Variants in SLCO1C1 observed in about 807,000 individuals in gnomAD.
SLCO1C1 encodes the protein OAT-RP-5.
A neutral mutation model predicts 76.4 loss-of-function variants in SLCO1C1; 70 were observed. That is an observed-to-expected ratio of 0.92 (90% CI 0.76 to 1.12). The LOEUF is 1.12. Ranked by LOEUF, SLCO1C1 falls within the 50% of genes most tolerant of loss-of-function variation. The pLI is 0.00. For synonymous variants in SLCO1C1, 306 were observed against 286.1 expected (o/e 1.07, Z -0.70); for missense variants, 912 against 823.8 (o/e 1.11, Z -1.31).
intron 9 of SLCO1C1, among the ~76,000 whole-genome samples, chr12:20,730,311 G>A (rs1948212061): frequency 6.6e-6 from 1 of 152,072 alleles, no homozygotes; most frequent in Admixed American, 6.6e-5. Context: ...GCATGTATGT[G>A]CGTGTGTAAA....
intron 2 of SLCO1C1, among the ~76,000 whole-genome samples, 189 bp from the exon 3 acceptor site, chr12:20,701,129 T>C (rs1462003303): frequency 2.0e-5 from 3 of 152,124 alleles, no homozygotes; most frequent in Non-Finnish European, 4.4e-5. Flanking sequence ...ATTTGAACTG[T>C]TGAAAACTTA....
At chr12:20,731,242 TCTATTC>T (rs768871632) in intron 9 of SLCO1C1, among the ~76,000 whole-genome samples, 3 of 152,242 alleles carry the variant, frequency 2.0e-5, no homozygotes, top group Non-Finnish European at 4.4e-5. Context: ...TCTGCTTCTT[TCTATTC>T]CTATAATTTC....
intron 14 of SLCO1C1, among the ~76,000 whole-genome samples, chr12:20,751,574 G>A (rs960936450): frequency 4.6e-5 from 7 of 152,062 alleles, no homozygotes; most frequent in African/African-American, 9.7e-5. Context: ...GATGCTATGC[G>A]TGAAATTTAT....
intron 13 of SLCO1C1, among the ~76,000 whole-genome samples, chr12:20,747,225 G>T (rs1330948840): frequency 2.0e-5 from 3 of 152,228 alleles, no homozygotes; most frequent in African/African-American, 7.2e-5. Context: ...AGGAGTTCGA[G>T]ACCAGCCTGG....
chr12:20,723,650 A>G (rs567744822), intron 9 of SLCO1C1, among the ~76,000 whole-genome samples: 2 of 152,286 alleles, frequency 1.3e-5, no homozygotes, highest in East Asian at 3.9e-4. Flanking sequence ...GCGGTCAAAA[A>G]ACTTTTCTGA....
intron 12 of SLCO1C1, among the ~76,000 whole-genome samples, chr12:20,741,633 AC>A (rs1948819821): frequency 6.6e-6 from 1 of 152,080 alleles, no homozygotes; most frequent in East Asian, 1.9e-4. Flanking sequence ...TCCTATTAAA[AC>A]ACAATTTGTG....
At chr12:20,749,308 T>G (rs912243891) in intron 13 of SLCO1C1, among the ~76,000 whole-genome samples, 2 of 152,122 alleles carry the variant, frequency 1.3e-5, no homozygotes, top group African/African-American at 4.8e-5. Context: ...ACCAGACAGT[T>G]GATGGAAACG....
At chr12:20,699,895 C>G (rs1442912028) in intron 2 of SLCO1C1, 190 bp downstream of exon 2, 1 of 468,352 alleles carries the variant, frequency 2.1e-6, no homozygotes, top group Non-Finnish European at 3.5e-6. Context: ...GGTTAAATTA[C>G]TTTCCTGGGC....
intron 10 of SLCO1C1, among the ~76,000 whole-genome samples, chr12:20,735,570 A>G (rs1166359198): frequency 6.6e-6 from 1 of 152,190 alleles, no homozygotes; most frequent in African/African-American, 2.4e-5. Context: ...TTAAAATTTT[A>G]TGGAAGAGAA....
intron 1 of SLCO1C1, chr12:20,697,077 T>C (rs1326715049): frequency 1.3e-5 from 2 of 152,032 alleles, no homozygotes; most frequent in Non-Finnish European, 2.9e-5. Context: ...ATCTCAAGTT[T>C]TTCAGTAGTG....
intron 4 of SLCO1C1, among the ~76,000 whole-genome samples, chr12:20,711,184 C>T (rs961639809): frequency 2.6e-5 from 4 of 152,176 alleles, no homozygotes; most frequent in African/African-American, 9.7e-5. Flanking sequence ...GTAGGACAAG[C>T]TTTGTGTAGA....
intron 13 of SLCO1C1, among the ~76,000 whole-genome samples, chr12:20,749,917 T>C (rs1042021993): frequency 6.6e-6 from 1 of 152,184 alleles, no homozygotes; most frequent in Non-Finnish European, 1.5e-5. Context: ...AGAATGTGAA[T>C]AAGAGAAAAT....
At chr12:20,699,094 C>T (rs1386507135) in intron 1 of SLCO1C1, among the ~76,000 whole-genome samples, 3 of 152,018 alleles carry the variant, frequency 2.0e-5, no homozygotes, top group Admixed American at 6.6e-5. Flanking sequence ...TAAGGTGGTA[C>T]AGGGACCTAT....
At position 20,723,171 on chromosome 12, in the gene SLCO1C1, C is replaced by G. The variant is rs1318314330; in HGVS notation, c.1103C>G (p.Ser368Cys). The G allele has an allele frequency of 6.2e-7, 1 of 1,614,136 alleles. No individual in the cohort carries two copies. Among genetic ancestry groups the G allele is most frequent in the Non-Finnish European group, 8.5e-7 (1 of 1,180,006 alleles). The change falls in exon 9 of 15, where the codon TCT (serine) becomes TGT (cysteine). Residue 368 changes from serine (S) to cysteine (C), a missense_variant. Transcript: ENST00000266509. ...YLCTSTVQFNSLFGMVTYKPK... is the reference protein window; with the variant it reads ...YLCTSTVQFNCLFGMVTYKPK... The stretch of plus-strand genomic sequence containing the variant: ...TGTACAAGCACTGTTCAGTTCAATT[C>G]TCTGTTCGGCATGGTGACGTACAAA...
chr12:20,716,330 C>G (rs1947358257), intron 6 of SLCO1C1, among the ~76,000 whole-genome samples: 1 of 152,226 alleles, frequency 6.6e-6, no homozygotes. Context: ...GAGAAGCATA[C>G]AGGTGCTTAG....
intron 1 of SLCO1C1, chr12:20,697,170 A>T (rs1285127038): frequency 6.6e-6 from 1 of 151,926 alleles, no homozygotes; most frequent in East Asian, 1.9e-4. Flanking sequence ...ATTTAGGATA[A>T]ATGATAGCAG....
chr12:20,723,685 AG>A (rs1323040829), intron 9 of SLCO1C1, among the ~76,000 whole-genome samples: 2 of 152,154 alleles, frequency 1.3e-5, no homozygotes, highest in Non-Finnish European at 2.9e-5. Context: ...GTTAGTTCAA[AG>A]GGTTGTGTTT....
chr12:20,746,964 G>A (rs1949076002), intron 13 of SLCO1C1, among the ~76,000 whole-genome samples: 1 of 151,906 alleles, frequency 6.6e-6, no homozygotes, highest in Non-Finnish European at 1.5e-5. Context: ...CCAAAAACTT[G>A]AATATGTACT....
In SLCO1C1 at chr12:20,737,262, G is replaced by GA; in HGVS notation, c.1544dup (p.Asn515LysfsTer16). ...GGTTGTCAAACCTCCAACAGGAGTG[G>GA]AAAAAATATTGTAAGAAATCACCTC... On this transcript the variant is annotated frameshift_variant, in exon 11 of 15. Coordinates refer to ENST00000266509, the MANE Select transcript of SLCO1C1 (RefSeq NM_017435.5). LOFTEE classifies it high-confidence loss of function. 2 of 1,555,166 alleles carry GA rather than the reference G, an allele frequency of 1.3e-6. No homozygotes were observed. Among genetic ancestry groups the GA allele is most frequent in the Non-Finnish European group, 1.7e-6 (2 of 1,159,634 alleles).
Sources: gnomAD v4.1 joint callset for allele counts (sites outside exome capture counted in the v4.1 genomes callset) on GRCh38, gnomAD v4.1.1 for gene constraint, MANE v1.5 for transcripts, NCBI Gene and HGNC (gene_info 2026-07-23, HGNC 2026-07-21) for gene names.